The following BGN variants were observed in gnomAD, a reference collection of about 807,000 sequenced individuals.
BGN encodes the protein biglycan.
A neutral mutation model predicts 20.0 loss-of-function variants in BGN; 6 were observed. The observed-to-expected ratio is 0.30, with a 90% CI of 0.16 to 0.59. BGN has a LOEUF of 0.59. Among genes scored for constraint, BGN ranks in the 20% least tolerant of loss-of-function variants. The probability of loss-of-function intolerance (pLI) is 0.88; values close to 1 mark genes in which losing one functional copy is unlikely to be tolerated. For missense variants in BGN, 292 were observed against 312.1 expected (o/e 0.94, Z 0.49); for synonymous variants, 146 against 134.6 (o/e 1.08, Z -0.59).
intron 1 of BGN, among the ~76,000 whole-genome samples, chrX:153,501,892 AC>A (rs1201458253): frequency 1.9e-5 from 2 of 102,703 alleles, no homozygotes; most frequent in African/African-American, 7.2e-5. Context: ...TCTCTTGGAG[AC>A]CCCCCAGACA....
chrX:153,506,489 G>C (rs781822305), intron 4 of BGN, 40 bp from the exon 5 acceptor site: 1 of 1,157,021 alleles, frequency 8.6e-7, no homozygotes, highest in Non-Finnish European at 1.2e-6. Context: ...GGCTGTGCAG[G>C]GACCACCAGG....
At chrX:153,506,214 G>C in intron 4 of BGN, 138 bp downstream of exon 4, 1 of 733,364 alleles carries the variant, frequency 1.4e-6, no homozygotes, top group Non-Finnish European at 2.0e-6. Flanking sequence ...GGATTTCTTG[G>C]CAAATCCTCC....
At chrX:153,497,391 C>T (rs921386848) in intron 1 of BGN, among the ~76,000 whole-genome samples, 39 of 109,823 alleles carry the variant, frequency 3.6e-4, no homozygotes, top group Non-Finnish European at 6.9e-4. Flanking sequence ...CGGAAGGCAG[C>T]GCAACCCGGG....
intron 1 of BGN, 33 bp downstream of exon 1, chrX:153,495,146 C>A (rs782244777): frequency 1.8e-5 from 2 of 110,697 alleles, no homozygotes; most frequent in African/African-American, 6.6e-5. Flanking sequence ...TCCTCAGCAA[C>A]CCAGAGATGC....
At position 153,508,428 on chromosome X, in the gene BGN, G is replaced by C. The variant is rs1556993788; in HGVS notation, c.1090G>C (p.Gly364Arg). ...CACTGACCGCCTGGCCATCCAGTTTGGCAACTACAAAAAGTAGAGGCAGCT... is the reference window on the plus strand; with the variant it reads ...CACTGACCGCCTGGCCATCCAGTTTCGCAACTACAAAAAGTAGAGGCAGCT... ...CVTDRLAIQFGNYKK is the reference protein window; with the variant it reads ...CVTDRLAIQFRNYKK The change falls in exon 8 of 8, where the codon GGC (glycine) becomes CGC (arginine). Residue 364 changes from glycine to arginine, a missense_variant. Physicochemically the swap from Gly to Arg is moderately radical, Grantham distance 125. Transcript: ENST00000331595. 4.1e-6 allele frequency: 5 copies of C among 1,211,792 alleles called. No homozygotes were observed. The highest frequency in any genetic ancestry group is 2.3e-4 in the Middle Eastern group (1 of 4,341).
chrX:153,500,747 G>A (rs1024267051), intron 1 of BGN, among the ~76,000 whole-genome samples: 2 of 111,248 alleles, frequency 1.8e-5, no homozygotes, highest in African/African-American at 3.3e-5. Context: ...GTGTGTGTAC[G>A]TGTGTATAAA....
chrX:153,507,519 G>A (rs782675224), intron 7 of BGN, among the ~76,000 whole-genome samples: 2 of 113,008 alleles, frequency 1.8e-5, no homozygotes, highest in Non-Finnish European at 3.8e-5. Flanking sequence ...AGGGCAGGAA[G>A]TAGGCTGACG....
intron 1 of BGN, among the ~76,000 whole-genome samples, chrX:153,496,701 A>G (rs1334204281): frequency 3.6e-5 from 4 of 112,082 alleles, no homozygotes; most frequent in Non-Finnish European, 5.7e-5. Flanking sequence ...GGAGTCTGGG[A>G]AAGGAAGGGG....
chrX:153,505,279 C>G lies in BGN; in HGVS notation c.280C>G (p.Leu94Val). Reference protein sequence around the residue: ...VPKEISPDTTLLDLQNNDISE... With the variant: ...VPKEISPDTTVLDLQNNDISE... Reference sequence around the variant, plus strand: ...CAAAGAGATCTCCCCTGACACCACGCTGCTGGACCTGCAGAACAACGACAT... The same window carrying G: ...CAAAGAGATCTCCCCTGACACCACGGTGCTGGACCTGCAGAACAACGACAT... The change falls in exon 3 of 8, where the codon CTG becomes GTG. Residue 94 changes from leucine to valine, a missense_variant. Leu to Val is a conservative substitution (Grantham distance 32). Coordinates refer to ENST00000331595, the MANE Select transcript of BGN (RefSeq NM_001711.6). 8.3e-7 allele frequency: 1 copy of G among 1,210,540 alleles called. No homozygotes were observed. The highest frequency in any genetic ancestry group is 1.1e-6 in the Non-Finnish European group (1 of 894,561).
intron 4 of BGN, 108 bp from the exon 5 acceptor site, chrX:153,506,421 G>C: frequency 4.2e-6 from 3 of 707,021 alleles, no homozygotes; most frequent in Non-Finnish European, 2.1e-6. Context: ...TTCAGGAGAC[G>C]GGAGCAGCCG....
chrX:153,503,251 C>G (rs782748418), intron 1 of BGN, among the ~76,000 whole-genome samples: 1 of 112,609 alleles, frequency 8.9e-6, no homozygotes, highest in Non-Finnish European at 1.9e-5. Flanking sequence ...CACCTCCCCA[C>G]GGCCTCCTTA....
intron 1 of BGN, among the ~76,000 whole-genome samples, chrX:153,504,264 C>G (rs2089781714): frequency 2.7e-5 from 3 of 112,644 alleles, no homozygotes; most frequent in Admixed American, 1.9e-4. Flanking sequence ...CTCATGGACG[C>G]CCCCGCCCTA....
At chrX:153,508,159 G>A in intron 7 of BGN, 89 bp from the exon 8 acceptor site, 1 of 1,013,403 alleles carries the variant, frequency 9.9e-7, no homozygotes, top group Non-Finnish European at 1.4e-6. Flanking sequence ...GAAGTAGGGT[G>A]CAGAGGCAAC....
chrX:153,508,377 G>T lies in BGN; in HGVS notation c.1039G>T (p.Val347Leu). 8.2e-7 allele frequency: 1 copy of T among 1,212,223 alleles called. No individual in the cohort carries two copies. The highest frequency in any genetic ancestry group is 1.1e-6 in the Non-Finnish European group (1 of 895,640). The change falls in exon 8 of 8, where the codon GTG (valine) becomes TTG (leucine). Residue 347 changes from valine to leucine, a missense_variant. Transcript: ENST00000331595. ...LFNNPVPYWE[V>L]QPATFRCVTD... is the part of the protein sequence containing the mutation. ...CAACAACCCCGTGCCCTACTGGGAG[G>T]TGCAGCCGGCCACTTTCCGCTGCGT... is the stretch of plus-strand genomic sequence containing the variant.
Position 153,505,665 on chromosome X carries a change from T to G in BGN, c.352-198T>G, listed in dbSNP as rs2269403. On this transcript the variant is annotated intron_variant, in intron 3 of 7. Coordinates refer to ENST00000331595, the MANE Select transcript of BGN (RefSeq NM_001711.6). ...GTGTGCGTGTGAGGAAACTGAGGCT[T>G]GGAGCGGCAAGGCAGTGGTGGCACT... is the stretch of plus-strand genomic sequence containing the variant. 0.46 allele frequency among the ~76,000 whole-genome samples: 50,801 copies of G among 110,796 alleles called. 8,238 individuals are homozygous for G. Among genetic ancestry groups the G allele is most frequent in the Middle Eastern group, 0.53 (115 of 217 alleles).
At chrX:153,498,541 C>T (rs1556991194) in intron 1 of BGN, among the ~76,000 whole-genome samples, 1 of 112,712 alleles carries the variant, frequency 8.9e-6, no homozygotes, top group Non-Finnish European at 1.9e-5. Context: ...GGCTGTGGGC[C>T]ACCCTGGCTG....
intron 4 of BGN, 99 bp from the exon 5 acceptor site, chrX:153,506,430 C>A (rs1434823468): frequency 2.6e-6 from 2 of 762,410 alleles, no homozygotes; most frequent in Non-Finnish European, 3.9e-6. Flanking sequence ...CGGGAGCAGC[C>A]GGCAGGTAGC....
At chrX:153,504,894 G>A (rs376523303) in intron 2 of BGN, 25 bp downstream of exon 2, 142 of 1,158,593 alleles carry the variant, frequency 1.2e-4, no homozygotes, top group Middle Eastern at 5.2e-4. Context: ...GATGGGGAGC[G>A]GGGCATGCAG....
At chrX:153,504,366 G>A (rs782307286) in intron 1 of BGN, among the ~76,000 whole-genome samples, 9 of 112,263 alleles carry the variant, frequency 8.0e-5, no homozygotes, top group Admixed American at 1.9e-4. Context: ...AGTCCTGTCC[G>A]GGATGGGGAG....
Sources: gnomAD v4.1 joint callset for allele counts (sites outside exome capture counted in the v4.1 genomes callset) on GRCh38, gnomAD v4.1.1 for gene constraint, MANE v1.5 for transcripts, NCBI Gene and HGNC (gene_info 2026-07-23, HGNC 2026-07-21) for gene names.